Variants in SYTL5 observed in about 807,000 individuals in gnomAD.
SYTL5 encodes the protein synaptotagmin-like protein 5.
Under a neutral mutation model 55.9 loss-of-function variants are expected in SYTL5, and 34 were observed. That is an observed-to-expected ratio of 0.61 (90% CI 0.46 to 0.81). The LOEUF is 0.81. Among genes scored for constraint, SYTL5 ranks in the 30% least tolerant of loss-of-function variants. SYTL5 has a pLI of 0.00. For synonymous variants in SYTL5, 221 were observed against 188.7 expected, an observed-to-expected ratio of 1.17 and a Z score of -1.40; for missense variants, 637 against 546.7, an observed-to-expected ratio of 1.17 and a Z score of -1.65.
At chrX:38,082,021 C>T (rs756692922) in intron 6 of SYTL5, among the ~76,000 whole-genome samples, 1 of 111,919 alleles carries the variant, frequency 8.9e-6, no homozygotes, top group East Asian at 2.8e-4. Flanking sequence ...AGACCTCCTT[C>T]AAAGACGCAG....
chrX:38,090,123 C>T (rs755559396), intron 7 of SYTL5, among the ~76,000 whole-genome samples: 1 of 111,982 alleles, frequency 8.9e-6, no homozygotes, highest in African/African-American at 3.2e-5. Context: ...AAAGGTAGCA[C>T]TTGTATGATG....
chrX:37,935,484 C>A, the SYTL5 span, among the ~76,000 whole-genome samples: 1 of 112,133 alleles, frequency 8.9e-6, no homozygotes, highest in African/African-American at 3.3e-5. Context: ...TTCTTTTTAA[C>A]TGTTTTTTCT....
intron 13 of SYTL5, among the ~76,000 whole-genome samples, chrX:38,117,361 A>T (rs1169729981): frequency 1.8e-5 from 2 of 111,896 alleles, no homozygotes; most frequent in African/African-American, 6.5e-5. Context: ...AACCAATGGA[A>T]CATTGGTAAG....
rs201413262 is a variant in SYTL5, at chrX:38,033,878, T to C, written c.-12T>C. The stretch of plus-strand genomic sequence containing the variant: ...TTCAACCACTGCTACTCAGAGCTGC[T>C]GCTGAAATACCATGTCTAAGAACTC... On this transcript the variant is annotated 5_prime_UTR_variant, in exon 2 of 17. Coordinates refer to ENST00000297875, the MANE Select transcript of SYTL5 (RefSeq NM_138780.3). The C allele has an allele frequency of 4.8e-5, 50 of 1,050,875 alleles. No homozygotes were observed. The highest frequency in any genetic ancestry group is 5.3e-6 in the Non-Finnish European group (4 of 758,103). The allele number at this position is 1,050,875 out of a possible 1,213,427, so 86.6% of individuals were successfully genotyped here.
At chrX:38,021,894 T>G (rs1175281979) in intron 1 of SYTL5, among the ~76,000 whole-genome samples, 3 of 112,323 alleles carry the variant, frequency 2.7e-5, no homozygotes, top group Non-Finnish European at 3.8e-5. Context: ...TACAAGCTGT[T>G]GCAATTTGCG....
the SYTL5 span, among the ~76,000 whole-genome samples, chrX:37,972,998 G>C: frequency 9.0e-6 from 1 of 111,601 alleles, no homozygotes; most frequent in Non-Finnish European, 1.9e-5. Context: ...GCACTTAAAA[G>C]GTTGCCTTGC....
Position 38,117,556 on chromosome X carries a change from C to G in SYTL5, c.1597-2802C>G, listed in dbSNP as rs773692687. Among the ~76,000 whole-genome samples the G allele has an allele frequency of 5.3e-5, 6 of 112,332 alleles. No homozygotes were observed. In the South Asian group the frequency reaches 2.2e-3, roughly 42 times the overall value. On this transcript the variant is annotated intron_variant, in intron 13 of 16. Transcript: ENST00000297875. ...TACCTTAAACCTTCGGGGCTTACAG[C>G]AAGAATTTATTCTCTCTCATGATTC...
intron 6 of SYTL5, among the ~76,000 whole-genome samples, chrX:38,083,774 A>ATGTGTG (rs3068306): frequency 0.033 from 3,066 of 94,267 alleles, 127 homozygotes; most frequent in African/African-American, 0.097. Context: ...AAATAGACTC[A>ATGTGTG]TGTGTGTGTG....
chrX:38,056,426 T>C (rs974872890), intron 3 of SYTL5, among the ~76,000 whole-genome samples: 1 of 111,991 alleles, frequency 8.9e-6, no homozygotes, highest in Admixed American at 9.5e-5. Context: ...GCAGTAAACA[T>C]GGGAGTGCAG....
chrX:38,032,871 C>G (rs1934997629), intron 1 of SYTL5, among the ~76,000 whole-genome samples: 1 of 110,308 alleles, frequency 9.1e-6, no homozygotes, highest in African/African-American at 3.3e-5. Flanking sequence ...CTACAGGTAT[C>G]TGCCACCATG....
chrX:37,930,676 T>A, the SYTL5 span, among the ~76,000 whole-genome samples: 2 of 112,314 alleles, frequency 1.8e-5, no homozygotes, highest in Non-Finnish European at 3.8e-5. Flanking sequence ...TCGCACAAAA[T>A]GCTCAGCTCC....
chrX:37,930,178 A>C, the SYTL5 span, among the ~76,000 whole-genome samples: 1 of 111,976 alleles, frequency 8.9e-6, no homozygotes, highest in Non-Finnish European at 1.9e-5. Context: ...TGGTAATTCC[A>C]GTTTGCTTAA....
chrX:37,940,604 G>GTATATATATATATATATA, the SYTL5 span, among the ~76,000 whole-genome samples: 22 of 94,867 alleles, frequency 2.3e-4, no homozygotes, highest in African/African-American at 7.5e-4. Context: ...AGGTGTGTAT[G>GTATATATATATATATATA]TATATATATA....
At chrX:37,944,817 C>T in the SYTL5 span, among the ~76,000 whole-genome samples, 1 of 112,067 alleles carries the variant, frequency 8.9e-6, no homozygotes, top group Non-Finnish European at 1.9e-5. Flanking sequence ...TTTTTTCTTC[C>T]TTTCTCTGTC....
the SYTL5 span, among the ~76,000 whole-genome samples, chrX:37,904,458 T>C: frequency 2.7e-5 from 3 of 110,597 alleles, no homozygotes; most frequent in African/African-American, 9.9e-5. Flanking sequence ...AAGGCTGGTA[T>C]TATTCAGGGA....
At chrX:38,083,206 ACATTTG>A in intron 6 of SYTL5, among the ~76,000 whole-genome samples, 1 of 111,230 alleles carries the variant, frequency 9.0e-6, no homozygotes, top group Non-Finnish European at 1.9e-5. Context: ...TAGAAATAAG[ACATTTG>A]ATCAGAATTT....
At chrX:38,105,405 T>C (rs1161391815) in intron 10 of SYTL5, among the ~76,000 whole-genome samples, 2 of 112,666 alleles carry the variant, frequency 1.8e-5, no homozygotes, top group Non-Finnish European at 3.7e-5. Flanking sequence ...TCAATCAACA[T>C]ATGTAAGATG....
the SYTL5 span, among the ~76,000 whole-genome samples, chrX:37,962,143 A>AAGTTCTAGGG: frequency 9.1e-6 from 1 of 110,482 alleles, no homozygotes; most frequent in African/African-American, 3.3e-5. Flanking sequence ...TTACATATGT[A>AAGTTCTAGGG]TACATGTGCC....
At chrX:38,026,617 G>A (rs765415872) in intron 1 of SYTL5, among the ~76,000 whole-genome samples, 2 of 112,252 alleles carry the variant, frequency 1.8e-5, no homozygotes, top group Non-Finnish European at 3.8e-5. Context: ...GCTAAACAAG[G>A]GGTGGATTAT....
Sources: allele counts gnomAD v4.1 joint callset (sites outside exome capture counted in the v4.1 genomes callset), GRCh38; gene constraint gnomAD v4.1.1; transcripts MANE v1.5; gene names NCBI Gene and HGNC (gene_info 2026-07-23, HGNC 2026-07-21).